Variants in CNOT6L observed in about 807,000 individuals in gnomAD.
CNOT6L encodes the protein CCR4-NOT transcription complex subunit 6 like, also known as CCR4-NOT transcription complex subunit 6-like.
CNOT6L carries 7 observed loss-of-function variants against 64.0 expected under a neutral mutation model. The ratio of observed to expected loss-of-function variants is 0.11; its 90% CI spans 0.06 to 0.21. CNOT6L has a LOEUF of 0.21. CNOT6L is among the 10% of genes least tolerant of loss of function. The probability of loss-of-function intolerance (pLI) is 1.00; values close to 1 mark genes in which losing one functional copy is unlikely to be tolerated. For synonymous variants in CNOT6L, 193 were observed against 243.4 expected (o/e 0.79, Z 1.93); for missense variants, 245 against 669.0 (o/e 0.37, Z 6.99).
intron 4 of CNOT6L, among the ~76,000 whole-genome samples, chr4:77,763,339 A>G (rs902031666): frequency 6.6e-6 from 1 of 152,240 alleles, no homozygotes; most frequent in African/African-American, 2.4e-5. Flanking sequence ...CTAGACAAAC[A>G]TTAACCAAAA....
At chr4:77,773,616 T>C (rs1727849867) in intron 3 of CNOT6L, among the ~76,000 whole-genome samples, 1 of 152,126 alleles carries the variant, frequency 6.6e-6, no homozygotes, top group South Asian at 2.1e-4. Context: ...CGGTATCTCT[T>C]TTTAAGTAAC....
intron 5 of CNOT6L, among the ~76,000 whole-genome samples, chr4:77,756,608 A>T (rs970527017): frequency 6.6e-6 from 1 of 152,200 alleles, no homozygotes; most frequent in Non-Finnish European, 1.5e-5. Flanking sequence ...GCATCTCTAA[A>T]CTGTGAGTTA....
At chr4:77,756,753 C>T in intron 5 of CNOT6L, 109 bp downstream of exon 5, 1 of 626,624 alleles carries the variant, frequency 1.6e-6, no homozygotes, top group Non-Finnish European at 2.7e-6. Context: ...GAAGGAACTC[C>T]AAACCCATAG....
At chr4:77,797,123 A>AAAAAC (rs1426584835) in intron 1 of CNOT6L, among the ~76,000 whole-genome samples, 8 of 150,936 alleles carry the variant, frequency 5.3e-5, no homozygotes, top group Non-Finnish European at 1.2e-4. Flanking sequence ...AAAAAAAAAA[A>AAAAAC]AAACTGCCAA....
At chr4:77,766,325 G>A (rs1726813393) in intron 4 of CNOT6L, among the ~76,000 whole-genome samples, 1 of 152,048 alleles carries the variant, frequency 6.6e-6, no homozygotes, top group Admixed American at 6.5e-5. Context: ...AAATGAACTA[G>A]CAAAGTAGGA....
At chr4:77,774,412 A>G in intron 3 of CNOT6L, 118 bp downstream of exon 3, 2 of 793,362 alleles carry the variant, frequency 2.5e-6, no homozygotes, top group Non-Finnish European at 3.9e-6. Context: ...ATGCTTAGAC[A>G]GTTTATATAA....
intron 4 of CNOT6L, among the ~76,000 whole-genome samples, chr4:77,769,915 G>A (rs923731372): frequency 4.6e-5 from 7 of 151,866 alleles, no homozygotes; most frequent in South Asian, 4.2e-4. Flanking sequence ...CCCATATGTC[G>A]GATAAAGTAT....
At chr4:77,772,942 C>T (rs1369963830) in intron 4 of CNOT6L, 139 bp downstream of exon 4, 3 of 619,306 alleles carry the variant, frequency 4.8e-6, no homozygotes, top group Non-Finnish European at 8.6e-6. Flanking sequence ...AACAAACAAA[C>T]AAACAAAAAC....
At chr4:77,784,678 T>C (rs1729245736) in intron 1 of CNOT6L, among the ~76,000 whole-genome samples, 1 of 152,000 alleles carries the variant, frequency 6.6e-6, no homozygotes, top group Non-Finnish European at 1.5e-5. Flanking sequence ...TAGAGATGGG[T>C]TTCACCATGT....
intron 1 of CNOT6L, among the ~76,000 whole-genome samples, chr4:77,784,519 A>G (rs926215772): frequency 7.1e-6 from 1 of 140,738 alleles, no homozygotes; most frequent in African/African-American, 2.7e-5. Flanking sequence ...TTTTTTTGAG[A>G]CTAGGTCTCA....
At chr4:77,742,443 A>G in intron 7 of CNOT6L, 148 bp from the exon 8 acceptor site, 1 of 804,484 alleles carries the variant, frequency 1.2e-6, no homozygotes, top group Non-Finnish European at 2.1e-6. Flanking sequence ...GATTGCTAGC[A>G]GCTGCTACTT....
chr4:77,817,322 T>C (rs947013304), intron 1 of CNOT6L, among the ~76,000 whole-genome samples: 1 of 152,218 alleles, frequency 6.6e-6, no homozygotes, highest in Non-Finnish European at 1.5e-5. Context: ...AAAGTTTATA[T>C]ATATACCTTT....
At chr4:77,785,241 A>G (rs1729304164) in intron 1 of CNOT6L, among the ~76,000 whole-genome samples, 1 of 152,200 alleles carries the variant, frequency 6.6e-6, no homozygotes, top group African/African-American at 2.4e-5. Flanking sequence ...AAATAAACAA[A>G]CATCAATCCA....
intron 6 of CNOT6L, among the ~76,000 whole-genome samples, chr4:77,746,613 TTTC>T (rs1560585297): frequency 6.6e-6 from 1 of 152,278 alleles, no homozygotes; most frequent in Admixed American, 6.5e-5. Flanking sequence ...TATTGTTCCT[TTTC>T]TTAATAGAAA....
intron 4 of CNOT6L, among the ~76,000 whole-genome samples, chr4:77,760,049 C>T (rs1489755951): frequency 6.6e-6 from 1 of 152,066 alleles, no homozygotes; most frequent in African/African-American, 2.4e-5. Flanking sequence ...AATCCATGAG[C>T]CAAAAAGGAT....
At chr4:77,729,492 G>A (rs1195153212) in intron 9 of CNOT6L, among the ~76,000 whole-genome samples, 1 of 152,154 alleles carries the variant, frequency 6.6e-6, no homozygotes, top group Non-Finnish European at 1.5e-5. Context: ...ACTGTGATAG[G>A]TCAGCAGTAA....
chr4:77,720,996 T>C (rs541953460), intron 11 of CNOT6L, among the ~76,000 whole-genome samples: 36 of 152,314 alleles, frequency 2.4e-4, no homozygotes, highest in African/African-American at 8.2e-4. Context: ...TCCTATTGGC[T>C]ATAATAAGTA....
chr4:77,748,178 A>G, intron 6 of CNOT6L, 138 bp downstream of exon 6: 2 of 679,056 alleles, frequency 2.9e-6, no homozygotes, highest in Non-Finnish European at 2.6e-6. Flanking sequence ...GGACTTTTTA[A>G]AAGTCTATCC....
chr4:77,771,733 C>A (rs553599668), intron 4 of CNOT6L, among the ~76,000 whole-genome samples: 1 of 152,294 alleles, frequency 6.6e-6, no homozygotes, highest in East Asian at 1.9e-4. Context: ...AGCATTCTTT[C>A]TATTCTTATT....
Sources: gnomAD v4.1 joint callset for allele counts (sites outside exome capture counted in the v4.1 genomes callset) on GRCh38, gnomAD v4.1.1 for gene constraint, MANE v1.5 for transcripts, NCBI Gene and HGNC (gene_info 2026-07-23, HGNC 2026-07-21) for gene names.